The following AMMECR1 variants were observed in gnomAD, a reference collection of about 807,000 sequenced individuals.
AMMECR1 encodes nuclear protein AMMECR1.
AMMECR1 carries 3 observed loss-of-function variants against 22.5 expected under a neutral mutation model. The ratio of observed to expected loss-of-function variants is 0.13; its 90% CI spans 0.06 to 0.35. AMMECR1 has a LOEUF of 0.35. AMMECR1 is among the 10% of genes least tolerant of loss of function. The probability of loss-of-function intolerance (pLI) is 1.00; values close to 1 mark genes in which losing one functional copy is unlikely to be tolerated. For synonymous variants in AMMECR1, 130 were observed against 116.7 expected, an observed-to-expected ratio of 1.11 and a Z score of -0.74; for missense variants, 235 against 278.7, an observed-to-expected ratio of 0.84 and a Z score of 1.12.
At chrX:110,408,569 C>T in intron 2 of AMMECR1, among the ~76,000 whole-genome samples, 1 of 112,137 alleles carries the variant, frequency 8.9e-6, no homozygotes, top group Non-Finnish European at 1.9e-5. Context: ...TTCCCCTGCC[C>T]CGACCCCACA....
At chrX:110,361,851 C>T (rs979500810) in intron 2 of AMMECR1, among the ~76,000 whole-genome samples, 2 of 112,162 alleles carry the variant, frequency 1.8e-5, no homozygotes, top group Admixed American at 9.5e-5. Context: ...TTGTGAGCCA[C>T]GTAATCTTTA....
intron 2 of AMMECR1, among the ~76,000 whole-genome samples, chrX:110,255,742 T>TA (rs749884573): frequency 3.6e-5 from 4 of 111,099 alleles, no homozygotes; most frequent in East Asian, 5.6e-4. Flanking sequence ...CATGTAGAAA[T>TA]AAAAAAAACA....
At chrX:110,289,694 G>A (rs978577703) in intron 1 of AMMECR1, among the ~76,000 whole-genome samples, 19 of 111,829 alleles carry the variant, frequency 1.7e-4, no homozygotes, top group Admixed American at 2.8e-4. Context: ...TATTTTATTC[G>A]TTAAATTCCT....
At chrX:110,373,657 T>G (rs747024158) in intron 2 of AMMECR1, among the ~76,000 whole-genome samples, 49 of 112,555 alleles carry the variant, frequency 4.4e-4, no homozygotes, top group Middle Eastern at 4.6e-3. Context: ...AAGGACTTTA[T>G]TTTTTGGGTT....
At chrX:110,356,356 T>G (rs1346050691) in intron 2 of AMMECR1, among the ~76,000 whole-genome samples, 1 of 109,285 alleles carries the variant, frequency 9.2e-6, no homozygotes, top group African/African-American at 3.3e-5. Flanking sequence ...GGTTTCACCA[T>G]GTTGGCCAGG....
intron 1 of AMMECR1, among the ~76,000 whole-genome samples, chrX:110,266,854 G>A (rs1027429419): frequency 9.1e-6 from 1 of 109,835 alleles, no homozygotes; most frequent in African/African-American, 3.3e-5. Context: ...CCAACTCCCC[G>A]ACAGGCCCTG....
intron 2 of AMMECR1, among the ~76,000 whole-genome samples, chrX:110,238,052 T>A (rs1448526259): frequency 5.4e-5 from 6 of 111,895 alleles, no homozygotes; most frequent in Admixed American, 1.9e-4. Context: ...CTACAGGCAC[T>A]GTAACATCAT....
intron 2 of AMMECR1, among the ~76,000 whole-genome samples, chrX:110,368,931 G>T (rs2068317089): frequency 8.9e-6 from 1 of 112,117 alleles, no homozygotes; most frequent in African/African-American, 3.2e-5. Context: ...GCCAAACTCT[G>T]TGACACTGCA....
intron 2 of AMMECR1, among the ~76,000 whole-genome samples, chrX:110,371,268 G>A (rs1179512861): frequency 1.8e-5 from 2 of 109,688 alleles, no homozygotes; most frequent in African/African-American, 3.3e-5. Flanking sequence ...TTTAGTTATT[G>A]TGGGTACATA....
chrX:110,397,632 G>C (rs376708277), intron 2 of AMMECR1, among the ~76,000 whole-genome samples: 241 of 111,099 alleles, frequency 2.2e-3, no homozygotes, highest in African/African-American at 7.3e-3. Flanking sequence ...ATGAAGCAGA[G>C]GGGGAGGGAG....
intron 1 of AMMECR1, among the ~76,000 whole-genome samples, chrX:110,275,411 T>A (rs2067820858): frequency 9.0e-6 from 1 of 111,621 alleles, no homozygotes; most frequent in South Asian, 3.8e-4. Context: ...CATTCCATTG[T>A]CTTCTGGAAG....
chrX:110,417,955 G>A (rs938793900), intron 2 of AMMECR1, among the ~76,000 whole-genome samples: 1 of 112,842 alleles, frequency 8.9e-6, no homozygotes. Flanking sequence ...AGGGTGCCAT[G>A]TTCAGGGGCA....
intron 2 of AMMECR1, among the ~76,000 whole-genome samples, chrX:110,228,908 T>C (rs1177070567): frequency 8.9e-6 from 1 of 112,478 alleles, no homozygotes; most frequent in Non-Finnish European, 1.9e-5. Flanking sequence ...AGGCTATACA[T>C]TTTTAAAATA....
intron 1 of AMMECR1, among the ~76,000 whole-genome samples, chrX:110,432,074 C>A (rs2068801253): frequency 1.8e-5 from 2 of 111,914 alleles, no homozygotes; most frequent in Non-Finnish European, 3.8e-5. Context: ...AGCTTTATGG[C>A]AGATGCTGAG....
At chrX:110,411,588 A>C (rs369474978) in intron 2 of AMMECR1, among the ~76,000 whole-genome samples, 1 of 112,181 alleles carries the variant, frequency 8.9e-6, no homozygotes, top group Non-Finnish European at 1.9e-5. Flanking sequence ...ATGAAGAAAA[A>C]GAATGATAGA....
At chrX:110,429,458 GTTTTT>G (rs554736940) in intron 1 of AMMECR1, among the ~76,000 whole-genome samples, 1 of 80,934 alleles carries the variant, frequency 1.2e-5, no homozygotes, top group African/African-American at 4.5e-5. Flanking sequence ...GAGAAAAAGT[GTTTTT>G]TTTTTTTTTT....
At chrX:110,308,451 A>G (rs1292401558) in intron 1 of AMMECR1, among the ~76,000 whole-genome samples, 1 of 111,830 alleles carries the variant, frequency 8.9e-6, no homozygotes, top group East Asian at 2.8e-4. Flanking sequence ...AATTCCCACA[A>G]AAATTGCCAG....
intron 2 of AMMECR1, among the ~76,000 whole-genome samples, chrX:110,261,196 G>A (rs140312805): frequency 0.012 from 1,335 of 110,856 alleles, 23 homozygotes; most frequent in African/African-American, 0.041. Flanking sequence ...TAAATTTTAT[G>A]TTACATATAT....
chrX:110,294,635 C>A (rs1045332784), intron 1 of AMMECR1, among the ~76,000 whole-genome samples: 4 of 111,747 alleles, frequency 3.6e-5, no homozygotes, highest in African/African-American at 1.3e-4. Flanking sequence ...CTCAAATAAA[C>A]AGAACTCAAA....
Sources: gnomAD v4.1 joint callset for allele counts (sites outside exome capture counted in the v4.1 genomes callset) on GRCh38, gnomAD v4.1.1 for gene constraint, MANE v1.5 for transcripts, NCBI Gene and HGNC (gene_info 2026-07-23, HGNC 2026-07-21) for gene names.